The following PATJ variants were observed in gnomAD, a reference collection of about 807,000 sequenced individuals.
PATJ encodes inaD-like protein.
Under a neutral mutation model 224.9 loss-of-function variants are expected in PATJ, and 190 were observed. The observed-to-expected ratio is 0.84, with a 90% CI of 0.75 to 0.95. PATJ has a LOEUF of 0.95. Among genes scored for constraint, PATJ ranks in the 40% least tolerant of loss-of-function variants. PATJ has a pLI of 0.00. For missense variants in PATJ, 2,121 were observed against 2,270.3 expected (o/e 0.93, Z 1.34); for synonymous variants, 769 against 820.3 (o/e 0.94, Z 1.07).
chr1:61,877,038 A>G (rs1357444800), intron 21 of PATJ, among the ~76,000 whole-genome samples: 1 of 152,188 alleles, frequency 6.6e-6, no homozygotes, highest in African/African-American at 2.4e-5. Context: ...TTGCTCGAAG[A>G]CTGGGTTGTG....
chr1:61,916,079 T>C (rs1673422029), intron 26 of PATJ, among the ~76,000 whole-genome samples: 1 of 152,208 alleles, frequency 6.6e-6, no homozygotes, highest in Non-Finnish European at 1.5e-5. Context: ...CTTTAAACTG[T>C]GTTTTCTGTT....
chr1:61,745,099 T>A (rs2148127192), intron 1 of PATJ, among the ~76,000 whole-genome samples: 1 of 152,208 alleles, frequency 6.6e-6, no homozygotes, highest in South Asian at 2.1e-4. Flanking sequence ...GAGACTTCAT[T>A]GAGTAGACAT....
At chr1:62,011,639 A>G (rs759058721) in intron 28 of PATJ, among the ~76,000 whole-genome samples, 7 of 152,058 alleles carry the variant, frequency 4.6e-5, no homozygotes, top group Admixed American at 2.0e-4. Flanking sequence ...TGTGACACAG[A>G]CAGGAAGTCA....
rs1228254676 is a variant in PATJ at position 62,014,310 on chromosome 1, C to T, written c.3868-3546C>T. ...TCCTCAAGTGATCCTCCTGTCTCAG[C>T]CTCCCAAAGCTCTGGGATTACAGGC... On this transcript the variant is annotated intron_variant, in intron 28 of 43. Coordinates refer to ENST00000642238, the MANE Select transcript of PATJ (RefSeq NM_001350145.3). Among the ~76,000 whole-genome samples the T allele has an allele frequency of 2.0e-5, 3 of 151,966 alleles. No homozygotes were observed. In the East Asian group the frequency reaches 5.8e-4, roughly 29 times the overall value.
At chr1:62,100,094 A>C (rs557867602) in intron 33 of PATJ, among the ~76,000 whole-genome samples, 1 of 148,208 alleles carries the variant, frequency 6.7e-6, no homozygotes, top group Non-Finnish European at 1.5e-5. Context: ...GGGCTCAGTG[A>C]TAATTAAGTC....
intron 25 of PATJ, 101 bp from the exon 26 acceptor site, chr1:61,914,486 T>A (rs2499007): frequency 0.043 from 24,484 of 566,316 alleles, 669 homozygotes; most frequent in Middle Eastern, 0.06. Context: ...AATGTAATGA[T>A]TGAAAAAAAA....
chr1:61,806,938 G>C (rs1478276049), intron 13 of PATJ, among the ~76,000 whole-genome samples: 1 of 151,968 alleles, frequency 6.6e-6, no homozygotes, highest in Non-Finnish European at 1.5e-5. Flanking sequence ...GATCACTTGA[G>C]GTCGGGAGTC....
intron 29 of PATJ, among the ~76,000 whole-genome samples, chr1:62,028,985 A>ATACATACATACC (rs1648630517): frequency 5.3e-5 from 8 of 151,542 alleles, no homozygotes. Flanking sequence ...ACATACATAC[A>ATACATACATACC]TACATACATA....
intron 7 of PATJ, among the ~76,000 whole-genome samples, chr1:61,783,190 A>G (rs1038924619): frequency 2.0e-5 from 3 of 152,216 alleles, no homozygotes; most frequent in Non-Finnish European, 4.4e-5. Flanking sequence ...TTCTTTATCT[A>G]TAAAAATCAG....
chr1:61,775,184 C>T (rs1570412691), intron 6 of PATJ, 22 bp from the exon 7 acceptor site: 5 of 1,601,784 alleles, frequency 3.1e-6, no homozygotes, highest in Non-Finnish European at 4.3e-6. Context: ...TACTGCGACT[C>T]TTATTTGCCA....
intron 12 of PATJ, 91 bp downstream of exon 12, chr1:61,801,860 AG>A: frequency 1.1e-6 from 1 of 928,136 alleles, no homozygotes; most frequent in Non-Finnish European, 1.5e-6. Flanking sequence ...GAGAAATCTT[AG>A]AGGCATTTTG....
At chr1:61,991,407 T>A in intron 28 of PATJ, 1 of 701,244 alleles carries the variant, frequency 1.4e-6, no homozygotes, top group Non-Finnish European at 1.8e-6. Flanking sequence ...AGCTAAATCA[T>A]GGAGACACTG....
At chr1:62,056,671 C>T (rs996885169) in intron 31 of PATJ, among the ~76,000 whole-genome samples, 5 of 152,142 alleles carry the variant, frequency 3.3e-5, no homozygotes, top group African/African-American at 1.2e-4. Context: ...ATCCCAGCTA[C>T]TTGGGAGGCT....
At position 61,991,382 on chromosome 1, in the gene PATJ, T is replaced by C. The variant is rs533389933; in HGVS notation, c.3867+1018T>C. The C allele has an allele frequency of 5.8e-5, 27 of 468,430 alleles. 1 individual carries two copies. In the South Asian group the frequency reaches 1.6e-3, roughly 28 times the overall value. 29.0% of individuals were successfully genotyped at this position (468,430 alleles called of 1,614,324 possible). A position where few individuals can be genotyped will look rare whatever the true frequency, so the allele number is the denominator to read the frequency against. ...CCTATTTGTTAAAATGTTCCAACTTTAGGACATTTAGGGGAGCTAAATCAT... is the reference window on the plus strand; with the variant it reads ...CCTATTTGTTAAAATGTTCCAACTTCAGGACATTTAGGGGAGCTAAATCAT... On this transcript the variant is annotated intron_variant, in intron 28 of 43. Transcript: ENST00000642238.
chr1:62,041,749 G>A (rs954844172), intron 30 of PATJ, among the ~76,000 whole-genome samples: 4 of 152,112 alleles, frequency 2.6e-5, no homozygotes, highest in African/African-American at 9.7e-5. Context: ...AAGCAGGCTA[G>A]GCCGGGCGTG....
At chr1:61,787,684 T>G (rs1164458630) in intron 7 of PATJ, 70 bp from the exon 8 acceptor site, 7 of 1,196,618 alleles carry the variant, frequency 5.8e-6, no homozygotes, top group Non-Finnish European at 8.5e-6. Context: ...GCTGAAAGTC[T>G]GATGAATTGT....
chr1:61,946,813 C>A (rs1313697217), intron 27 of PATJ, among the ~76,000 whole-genome samples: 2 of 152,140 alleles, frequency 1.3e-5, no homozygotes, highest in African/African-American at 4.8e-5. Flanking sequence ...ATGCAGAAAT[C>A]CTCAGTAAAA....
At chr1:62,048,420 C>T (rs926434292) in intron 30 of PATJ, among the ~76,000 whole-genome samples, 2 of 151,688 alleles carry the variant, frequency 1.3e-5, no homozygotes, top group Admixed American at 6.6e-5. Context: ...GTGGTGGGTG[C>T]CTGCAATCCC....
In PATJ at chr1:61,869,876, C is replaced by G. The variant is rs2148987855; in HGVS notation, c.2835+5243C>G. Among the ~76,000 whole-genome samples, 2 of 152,346 alleles carry G rather than the reference C, an allele frequency of 1.3e-5. 1 individual carries two copies. The highest frequency in any genetic ancestry group is 4.1e-4 in the South Asian group (2 of 4,832). On this transcript the variant is annotated intron_variant, in intron 20 of 43. Transcript: ENST00000642238. ...GCGGGTGCAGGAGCCTGGGCAAGCG[C>G]TTTTGGGTACTGGCAGGAGCAAATT...
Sources: allele counts gnomAD v4.1 joint callset (sites outside exome capture counted in the v4.1 genomes callset), GRCh38; gene constraint gnomAD v4.1.1; transcripts MANE v1.5; gene names NCBI Gene and HGNC (gene_info 2026-07-23, HGNC 2026-07-21).